Variants in ERC1 observed in about 807,000 individuals in gnomAD.
The protein encoded by ERC1 is RAB6 interacting protein 2.
A neutral mutation model predicts 132.0 loss-of-function variants in ERC1; 56 were observed. That is an observed-to-expected ratio of 0.42 (90% CI 0.34 to 0.53). ERC1 has a LOEUF of 0.53. Among genes scored for constraint, ERC1 ranks in the 20% least tolerant of loss-of-function variants. The pLI is 0.03. For synonymous variants in ERC1, 478 were observed against 476.1 expected, an observed-to-expected ratio of 1.00 and a Z score of -0.05; for missense variants, 1,202 against 1,349.9, an observed-to-expected ratio of 0.89 and a Z score of 1.72.
At chr12:1,111,317 G>T (rs566108367) in intron 5 of ERC1, among the ~76,000 whole-genome samples, 1 of 152,236 alleles carries the variant, frequency 6.6e-6, no homozygotes. Flanking sequence ...TTTTGTTGTG[G>T]TTTCATTAAA....
intron 1 of ERC1, among the ~76,000 whole-genome samples, chr12:1,024,080 G>A (rs1966743523): frequency 6.6e-6 from 1 of 152,156 alleles, no homozygotes; most frequent in Non-Finnish European, 1.5e-5. Context: ...TGATAGGGCT[G>A]CTGTAAGAAA....
intron 15 of ERC1, among the ~76,000 whole-genome samples, chr12:1,328,589 G>C (rs755126367): frequency 1.3e-5 from 2 of 151,910 alleles, no homozygotes; most frequent in Non-Finnish European, 2.9e-5. Flanking sequence ...TGTACGCCAC[G>C]CCCATGTGAC....
chr12:1,196,874 CTCTCTG>C (rs1956317109), intron 12 of ERC1, among the ~76,000 whole-genome samples: 12 of 143,054 alleles, frequency 8.4e-5, no homozygotes, highest in Non-Finnish European at 1.2e-4. Flanking sequence ...CTCTCTCTCT[CTCTCTG>C]TCTGTCTGTC....
chr12:1,008,148 A>G (rs759873216), intron 1 of ERC1, among the ~76,000 whole-genome samples: 17 of 152,234 alleles, frequency 1.1e-4, no homozygotes, highest in Admixed American at 2.6e-4. Flanking sequence ...ACCATCACCC[A>G]GTCATCAGGT....
At chr12:1,359,957 T>A (rs376848241) in intron 15 of ERC1, among the ~76,000 whole-genome samples, 4 of 148,182 alleles carry the variant, frequency 2.7e-5, no homozygotes, top group East Asian at 1.9e-4. Flanking sequence ...CTTTTTTTTT[T>A]AAAGAAAGAT....
intron 7 of ERC1, 47 bp from the exon 8 acceptor site, chr12:1,141,573 A>T (rs375376295): frequency 8.7e-6 from 13 of 1,498,814 alleles, no homozygotes; most frequent in Non-Finnish European, 1.1e-5. Flanking sequence ...AAGGAATTAC[A>T]TTCTTTTCTT....
intron 8 of ERC1, chr12:1,152,589 G>A (rs956489959): frequency 2.0e-5 from 3 of 152,748 alleles, no homozygotes; most frequent in Non-Finnish European, 2.9e-5. Context: ...TACATGTGGA[G>A]TAGGTGGTGC....
intron 15 of ERC1, among the ~76,000 whole-genome samples, chr12:1,318,426 T>C (rs1324984969): frequency 1.3e-5 from 2 of 152,240 alleles, no homozygotes; most frequent in East Asian, 1.9e-4. Context: ...TAAAATTTTA[T>C]AGCTTTTGTG....
chr12:1,476,496 CAGA>C (rs1169022304), intron 18 of ERC1, among the ~76,000 whole-genome samples: 2 of 152,148 alleles, frequency 1.3e-5, no homozygotes, highest in Non-Finnish European at 2.9e-5. Flanking sequence ...AGGAAACTCA[CAGA>C]AGAAGTGGCC....
chr12:1,347,254 T>A (rs1337164925), intron 15 of ERC1, among the ~76,000 whole-genome samples: 1 of 152,186 alleles, frequency 6.6e-6, no homozygotes, highest in East Asian at 1.9e-4. Context: ...AAAAGGGAAG[T>A]TGATCGCTTC....
At chr12:1,113,564 A>G (rs765790119) in intron 6 of ERC1, among the ~76,000 whole-genome samples, 1 of 152,240 alleles carries the variant, frequency 6.6e-6, no homozygotes, top group Admixed American at 6.5e-5. Flanking sequence ...CATTTAAAAA[A>G]CCAAACTTGG....
At chr12:1,473,504 C>T (rs1034157074) in intron 18 of ERC1, among the ~76,000 whole-genome samples, 2 of 151,868 alleles carry the variant, frequency 1.3e-5, no homozygotes, top group African/African-American at 4.8e-5. Context: ...ATGGTGCGCA[C>T]CCGTAGTCCC....
intron 18 of ERC1, among the ~76,000 whole-genome samples, chr12:1,470,907 A>T (rs1040560941): frequency 2.6e-5 from 4 of 152,202 alleles, no homozygotes; most frequent in Non-Finnish European, 5.9e-5. Context: ...GTGGGATACC[A>T]CGTCACAGTT....
intron 15 of ERC1, among the ~76,000 whole-genome samples, chr12:1,291,730 A>C (rs192661381): frequency 6.6e-6 from 1 of 152,302 alleles, no homozygotes; most frequent in Non-Finnish European, 1.5e-5. Context: ...GCTATTTTCC[A>C]TTCCTAGCAT....
chr12:1,182,548 A>G (rs1954598258), intron 10 of ERC1, among the ~76,000 whole-genome samples: 1 of 152,226 alleles, frequency 6.6e-6, no homozygotes, highest in Admixed American at 6.5e-5. Flanking sequence ...TCAGATGATG[A>G]TAATGCATGA....
intron 12 of ERC1, among the ~76,000 whole-genome samples, chr12:1,219,705 G>A (rs1203122889): frequency 6.8e-6 from 1 of 147,406 alleles, no homozygotes; most frequent in Non-Finnish European, 1.5e-5. Flanking sequence ...GCGTAATCTC[G>A]GCTCACTGCA....
intron 14 of ERC1, among the ~76,000 whole-genome samples, chr12:1,287,793 C>G (rs12318363): frequency 0.059 from 9,002 of 152,206 alleles, 476 homozygotes; most frequent in African/African-American, 0.13. Flanking sequence ...CCAGTTCACC[C>G]TATAGATCTT....
intron 7 of ERC1, among the ~76,000 whole-genome samples, chr12:1,123,485 CAA>C (rs1011586861): frequency 9.9e-5 from 15 of 151,626 alleles, no homozygotes; most frequent in African/African-American, 3.6e-4. Flanking sequence ...GTTAAACAGA[CAA>C]AAAGTAACAG....
At chr12:991,128 G>A (rs1959186370), upstream of ERC1, 2 of 151,208 alleles carry the variant, frequency 1.3e-5, no homozygotes, top group Non-Finnish European at 3.0e-5. Flanking sequence ...AAGGGAGGCA[G>A]CCGAGCCGGG....
Sources: allele counts gnomAD v4.1 joint callset (sites outside exome capture counted in the v4.1 genomes callset), GRCh38; gene constraint gnomAD v4.1.1; transcripts MANE v1.5; gene names NCBI Gene and HGNC (gene_info 2026-07-23, HGNC 2026-07-21).